The following PRKCH variants were observed in gnomAD, a reference collection of about 807,000 sequenced individuals.
PRKCH encodes protein kinase C eta, also known as protein kinase C eta type.
Under a neutral mutation model 82.5 loss-of-function variants are expected in PRKCH, and 28 were observed. The ratio of observed to expected loss-of-function variants is 0.34; its 90% CI spans 0.25 to 0.47. PRKCH has a LOEUF of 0.47. PRKCH is among the 20% of genes least tolerant of loss of function. The pLI is 1.00. For missense variants in PRKCH, 705 were observed against 881.8 expected (o/e 0.80, Z 2.54); for synonymous variants, 322 against 327.4 (o/e 0.98, Z 0.18).
chr14:61,387,916 G>A (rs960764854), intron 1 of PRKCH, among the ~76,000 whole-genome samples: 2 of 152,186 alleles, frequency 1.3e-5, no homozygotes, highest in Admixed American at 1.3e-4. Flanking sequence ...GGGAGGCTGA[G>A]GTGGACAGAT....
intron 1 of PRKCH, among the ~76,000 whole-genome samples, chr14:61,188,071 A>T (rs1274915862): frequency 1.3e-5 from 2 of 152,188 alleles, no homozygotes; most frequent in Non-Finnish European, 2.9e-5. Context: ...GTTTCAGGTT[A>T]ATTTGTTGGG....
chr14:61,307,009 C>A (rs1354648861), intron 1 of PRKCH: 1 of 152,162 alleles, frequency 6.6e-6, no homozygotes, highest in Non-Finnish European at 1.5e-5. Flanking sequence ...TAATATGCTT[C>A]TATTTTTTTA....
intron 1 of PRKCH, among the ~76,000 whole-genome samples, chr14:61,313,892 T>G (rs796781129): frequency 1.4e-4 from 22 of 152,230 alleles, no homozygotes; most frequent in African/African-American, 5.3e-4. Flanking sequence ...AAGATGAGAT[T>G]TGGGTGGGGA....
chr14:61,391,785 A>C (rs139257655), intron 2 of PRKCH, among the ~76,000 whole-genome samples: 8 of 152,304 alleles, frequency 5.3e-5, no homozygotes, highest in African/African-American at 1.9e-4. Flanking sequence ...TAAAATTTAT[A>C]TGGGGGTGAA....
chr14:61,187,976 G>A (rs2044375630), intron 1 of PRKCH, among the ~76,000 whole-genome samples: 2 of 152,012 alleles, frequency 1.3e-5, no homozygotes, highest in Non-Finnish European at 2.9e-5. Context: ...TAAAAACAGG[G>A]GCTTTGAAGT....
chr14:61,447,541 C>CCATAA (rs1884286444), intron 4 of PRKCH, among the ~76,000 whole-genome samples: 1 of 152,094 alleles, frequency 6.6e-6, no homozygotes, highest in African/African-American at 2.4e-5. Context: ...ACATTCTGGG[C>CCATAA]CATAAAACAT....
chr14:61,549,399 C>T (rs1403850634), intron 13 of PRKCH, among the ~76,000 whole-genome samples: 1 of 152,226 alleles, frequency 6.6e-6, no homozygotes, highest in African/African-American at 2.4e-5. Context: ...AGTGAGCCAG[C>T]TGCTTTTGGA....
At position 61,206,695 on chromosome 14, in the gene PRKCH, T is replaced by G. The variant is rs573010626; in HGVS notation, c.-19+19027T>G. 5.3e-5 allele frequency among the ~76,000 whole-genome samples: 8 copies of G among 152,222 alleles called. 1 individual carries two copies. In the East Asian group the frequency reaches 7.7e-4, roughly 15 times the overall value. On this transcript the variant is annotated intron_variant, in intron 1 of 3. Transcript: ENST00000555185. The stretch of plus-strand genomic sequence containing the variant: ...GAGATTGGGATATGCAATATGCAGA[T>G]TCAGCATCCTGGGGTCCAGAGAAAG...
At chr14:61,354,706 C>T (rs1473408894) in intron 1 of PRKCH, among the ~76,000 whole-genome samples, 1 of 152,182 alleles carries the variant, frequency 6.6e-6, no homozygotes, top group African/African-American at 2.4e-5. Flanking sequence ...ATTTAAATCC[C>T]ACTTTGCCAA....
At chr14:61,418,412 C>T (rs550707426) in intron 2 of PRKCH, among the ~76,000 whole-genome samples, 1 of 152,286 alleles carries the variant, frequency 6.6e-6, no homozygotes, top group African/African-American at 2.4e-5. Flanking sequence ...GATTAATGCA[C>T]AGAGGATCTT....
At chr14:61,449,389 C>T in intron 5 of PRKCH, 137 bp downstream of exon 5, 1 of 682,104 alleles carries the variant, frequency 1.5e-6, no homozygotes, top group Non-Finnish European at 2.6e-6. Flanking sequence ...TTTCCTCCCC[C>T]TGCCACCTCC....
intron 1 of PRKCH, among the ~76,000 whole-genome samples, chr14:61,373,943 C>T (rs925084948): frequency 7.2e-5 from 11 of 152,082 alleles, no homozygotes; most frequent in East Asian, 3.9e-4. Context: ...TTAATGAGTC[C>T]GCAATCCAAA....
Position 61,453,328 on chromosome 14 carries a change from A to G in PRKCH, c.935A>G (p.Gln312Arg), listed in dbSNP as rs781575449. 1.7e-5 allele frequency: 27 copies of G among 1,613,064 alleles called. No individual in the cohort carries two copies. Among genetic ancestry groups the G allele is most frequent in the African/African-American group, 4.0e-5 (3 of 74,866 alleles). Residue 312 changes from glutamine to arginine, a missense_variant, in exon 7 of 14, where the codon CAA becomes CGA. This residue lies in a region of PRKCH where 238 missense variants were observed against 258.1 expected (regional missense o/e 0.92). Coordinates refer to ENST00000332981, the MANE Select transcript of PRKCH (RefSeq NM_006255.5). ...LAKTLAGMGL[Q>R]PGNISPTSKL... is the part of the protein sequence containing the mutation. ...AAGACCCTGGCAGGGATGGGTCTCC[A>G]ACCCGGAAATATTTCTCCAACCTCG...
intron 2 of PRKCH, among the ~76,000 whole-genome samples, chr14:61,407,992 T>C (rs945651763): frequency 2.6e-5 from 4 of 152,238 alleles, no homozygotes; most frequent in African/African-American, 9.6e-5. Context: ...AATTCACACC[T>C]CTATGCCTCC....
At chr14:61,352,466 C>G (rs978362991) in intron 1 of PRKCH, among the ~76,000 whole-genome samples, 3 of 151,940 alleles carry the variant, frequency 2.0e-5, no homozygotes, top group African/African-American at 7.3e-5. Context: ...GGTTCAAGAC[C>G]AGCCTGACCA....
intron 1 of PRKCH, among the ~76,000 whole-genome samples, chr14:61,209,776 A>G (rs2044555398): frequency 6.6e-6 from 1 of 152,106 alleles, no homozygotes; most frequent in Non-Finnish European, 1.5e-5. Flanking sequence ...CATTGTACCC[A>G]ACAGGTAATT....
chr14:61,211,829 A>G (rs58435625), intron 1 of PRKCH, among the ~76,000 whole-genome samples: 17,553 of 152,224 alleles, frequency 0.12, 1,780 homozygotes, highest in African/African-American at 0.27. Context: ...TGGGAAATTA[A>G]GATCCACAGT....
At chr14:61,208,603 A>G (rs953782510) in intron 1 of PRKCH, among the ~76,000 whole-genome samples, 1 of 152,196 alleles carries the variant, frequency 6.6e-6, no homozygotes, top group Non-Finnish European at 1.5e-5. Context: ...AAGATTCTCA[A>G]TGATTCCAAA....
chr14:61,503,318 A>C (rs1404907055), intron 10 of PRKCH, among the ~76,000 whole-genome samples: 1 of 149,854 alleles, frequency 6.7e-6, no homozygotes, highest in African/African-American at 2.5e-5. Flanking sequence ...TTCCTGTAAG[A>C]ATCTGGTTGA....
Sources: gnomAD v4.1 joint callset for allele counts (sites outside exome capture counted in the v4.1 genomes callset) on GRCh38, gnomAD v4.1.1 for gene constraint, gnomAD v4.1.1 regional missense constraint, MANE v1.5 for transcripts, NCBI Gene and HGNC (gene_info 2026-07-23, HGNC 2026-07-21) for gene names.